Variants in TSPAN5 observed in about 807,000 individuals in gnomAD.
TSPAN5 encodes the protein tetraspanin 5.
A neutral mutation model predicts 37.1 loss-of-function variants in TSPAN5; 10 were observed. The observed-to-expected ratio is 0.27, with a 90% CI of 0.17 to 0.46. The LOEUF (loss-of-function observed/expected upper bound fraction) is 0.46. TSPAN5 is among the 20% of genes least tolerant of loss of function. The pLI is 1.00. For missense variants in TSPAN5, 195 were observed against 326.6 expected (o/e 0.60, Z 3.11); for synonymous variants, 110 against 118.9 (o/e 0.93, Z 0.48).
At chr4:98,506,195 T>A (rs1303297386) in intron 2 of TSPAN5, among the ~76,000 whole-genome samples, 1 of 152,242 alleles carries the variant, frequency 6.6e-6, no homozygotes, top group Non-Finnish European at 1.5e-5. Flanking sequence ...TATAAAAAGC[T>A]GTGTTATCTG....
chr4:98,494,273 C>T lies in TSPAN5; in HGVS notation c.133-7389G>A, dbSNP rs532880505. On this transcript the variant is annotated intron_variant, in intron 2 of 7. Transcript: ENST00000305798. The stretch of plus-strand genomic sequence containing the variant: ...AAACCATCCTGAACTGTACTTAAGC[C>T]AATGAGGCTCACCTCCAATATCCCC... Among the ~76,000 whole-genome samples, 30 of 152,116 alleles carry T rather than the reference C, an allele frequency of 2.0e-4. No homozygotes were observed. The South Asian group carries it at 6.0e-3, about 31-fold the overall frequency.
rs187254766 is a variant in TSPAN5 at position 98,600,234 on chromosome 4, A to G, written c.81+57912T>C. ...TTTGCTGGTGGGGGGCCTTGCCTCA[A>G]TGTTGATGGCTGCTGACTGATGACG... On this transcript the variant is annotated intron_variant, in intron 1 of 7. Transcript: ENST00000305798. Among the ~76,000 whole-genome samples the G allele has an allele frequency of 8.4e-3, 1,273 of 152,294 alleles. 13 individuals carry two copies. Among genetic ancestry groups the G allele is most frequent in the Non-Finnish European group, 0.011 (726 of 68,028 alleles).
intron 1 of TSPAN5, among the ~76,000 whole-genome samples, chr4:98,527,228 T>A (rs1414925352): frequency 6.6e-6 from 1 of 152,156 alleles, no homozygotes; most frequent in East Asian, 1.9e-4. Flanking sequence ...GCTCATAATG[T>A]TAAAAAGGAC....
At chr4:98,627,452 A>C (rs1341258870) in intron 1 of TSPAN5, among the ~76,000 whole-genome samples, 1 of 152,188 alleles carries the variant, frequency 6.6e-6, no homozygotes, top group South Asian at 2.1e-4. Flanking sequence ...AACACGAGTA[A>C]ATGCAATGCA....
At chr4:98,550,442 G>A (rs1240697905) in intron 1 of TSPAN5, among the ~76,000 whole-genome samples, 1 of 152,006 alleles carries the variant, frequency 6.6e-6, no homozygotes, top group African/African-American at 2.4e-5. Flanking sequence ...GTTTGATAAG[G>A]ATTATATTGA....
intron 1 of TSPAN5, among the ~76,000 whole-genome samples, chr4:98,622,561 A>G (rs1756504046): frequency 6.6e-6 from 1 of 152,192 alleles, no homozygotes; most frequent in Admixed American, 6.5e-5. Context: ...GAGGGCTTCA[A>G]GCAAATGAGA....
chr4:98,495,475 T>TGAGCTGA (rs1409464818), intron 2 of TSPAN5, among the ~76,000 whole-genome samples: 1 of 145,516 alleles, frequency 6.9e-6, no homozygotes, highest in Non-Finnish European at 1.5e-5. Context: ...CCCACGCCAG[T>TGAGCTGA]GAGCTGAGAC....
intron 1 of TSPAN5, among the ~76,000 whole-genome samples, chr4:98,535,716 AG>A (rs1207936595): frequency 6.6e-6 from 1 of 152,154 alleles, no homozygotes; most frequent in African/African-American, 2.4e-5. Context: ...TATTTGTTGG[AG>A]GCTTTGCTCG....
chr4:98,648,017 G>A (rs1344228187), intron 1 of TSPAN5, among the ~76,000 whole-genome samples: 2 of 152,138 alleles, frequency 1.3e-5, no homozygotes, highest in African/African-American at 2.4e-5. Context: ...AAGGAAAAAA[G>A]AAAGTTAAGA....
intron 1 of TSPAN5, among the ~76,000 whole-genome samples, chr4:98,598,747 C>T (rs1755815345): frequency 6.6e-6 from 1 of 152,210 alleles, no homozygotes; most frequent in Non-Finnish European, 1.5e-5. Flanking sequence ...GGATTACAGG[C>T]ATGAGCCACC....
rs567630158 is a variant in TSPAN5 at position 98,558,072 on chromosome 4, A to T, written c.82-50344T>A. 2.0e-5 allele frequency among the ~76,000 whole-genome samples: 3 copies of T among 152,348 alleles called. No homozygotes were observed. In the East Asian group the frequency reaches 5.8e-4, roughly 29 times the overall value. The stretch of plus-strand genomic sequence containing the variant: ...TAAGGTACAAACTTTAGTTAATAAT[A>T]ATATATCAATATTGGCTCATTAGTT... On this transcript the variant is annotated intron_variant, in intron 1 of 7. Coordinates refer to ENST00000305798, the MANE Select transcript of TSPAN5 (RefSeq NM_005723.4).
chr4:98,560,985 G>A (rs1484581957), intron 1 of TSPAN5, among the ~76,000 whole-genome samples: 2 of 152,230 alleles, frequency 1.3e-5, no homozygotes, highest in Non-Finnish European at 2.9e-5. Flanking sequence ...AATGAGGTAT[G>A]TGGCCGAGTT....
intron 1 of TSPAN5, among the ~76,000 whole-genome samples, chr4:98,623,959 T>A: frequency 6.6e-6 from 1 of 152,206 alleles, no homozygotes; most frequent in Non-Finnish European, 1.5e-5. Context: ...GGTAAGCCTA[T>A]GTCAGGTGGA....
At chr4:98,551,324 T>C (rs1187376175) in intron 1 of TSPAN5, among the ~76,000 whole-genome samples, 2 of 152,090 alleles carry the variant, frequency 1.3e-5, no homozygotes, top group East Asian at 3.9e-4. Context: ...ATCAGGGATA[T>C]TGGCCTCTAG....
chr4:98,583,858 T>C (rs1342637321), intron 1 of TSPAN5, among the ~76,000 whole-genome samples: 1 of 152,206 alleles, frequency 6.6e-6, no homozygotes, highest in Non-Finnish European at 1.5e-5. Context: ...TATTATTCAT[T>C]GCTTCCCCAC....
intron 1 of TSPAN5, among the ~76,000 whole-genome samples, chr4:98,524,638 T>A (rs1578966367): frequency 6.6e-6 from 1 of 151,916 alleles, no homozygotes; most frequent in East Asian, 1.9e-4. Context: ...TAAATCCTGC[T>A]TCCTTTGACA....
At chr4:98,652,588 C>T (rs1381156399) in intron 1 of TSPAN5, among the ~76,000 whole-genome samples, 2 of 152,152 alleles carry the variant, frequency 1.3e-5, no homozygotes, top group Admixed American at 6.5e-5. Context: ...GCTATCATTA[C>T]GGAAGAGACT....
At chr4:98,478,563 G>A in intron 5 of TSPAN5, 122 bp downstream of exon 5, 1 of 1,179,434 alleles carries the variant, frequency 8.5e-7, no homozygotes, top group Non-Finnish European at 1.2e-6. Context: ...CCCCCTACAG[G>A]AGCTACAAAT....
At chr4:98,551,523 G>C (rs1754616979) in intron 1 of TSPAN5, among the ~76,000 whole-genome samples, 1 of 125,874 alleles carries the variant, frequency 7.9e-6, no homozygotes, top group Admixed American at 9.4e-5. Flanking sequence ...ATGGAGTCTT[G>C]CTCTGTCACC....
Sources: allele counts gnomAD v4.1 joint callset (sites outside exome capture counted in the v4.1 genomes callset), GRCh38; gene constraint gnomAD v4.1.1; transcripts MANE v1.5; gene names NCBI Gene and HGNC (gene_info 2026-07-23, HGNC 2026-07-21).